Variants in SIL1 observed in about 807,000 individuals in gnomAD.
The protein encoded by SIL1 is SIL1 nucleotide exchange factor.
SIL1 carries 40 observed loss-of-function variants against 49.1 expected under a neutral mutation model. The observed-to-expected ratio is 0.81, with a 90% confidence interval of 0.63 to 1.06. The LOEUF is 1.06. SIL1 is among the 50% of genes least tolerant of loss of function. SIL1 has a pLI of 0.00. For missense variants in SIL1, 500 were observed against 572.6 expected, an observed-to-expected ratio of 0.87 and a Z score of 1.29; for synonymous variants, 253 against 250.8, an observed-to-expected ratio of 1.01 and a Z score of -0.08.
intron 7 of SIL1, among the ~76,000 whole-genome samples, chr5:138,974,685 C>T (rs1026217915): frequency 2.0e-5 from 3 of 152,156 alleles, no homozygotes; most frequent in African/African-American, 7.2e-5. Flanking sequence ...GTTTCCGGGC[C>T]TGGGTTTCCT....
rs548535414 is a variant in SIL1, at chr5:139,026,799, A to G, written c.645+2T>C. ...TGACTTATGGACGAAGAAATACAGT[A>G]CCTGATGGACATAATATTCAAGATC... On this transcript the variant is annotated splice_donor_variant, in intron 6 of 9. Transcript: ENST00000394817. LOFTEE classifies it high-confidence loss of function. 3.2e-5 allele frequency: 51 copies of G among 1,613,898 alleles called. No individual in the cohort carries two copies. The highest frequency in any genetic ancestry group is 4.2e-5 in the Non-Finnish European group (50 of 1,179,924).
rs181288344 is a variant in SIL1, at chr5:139,128,811, C to T, written c.-10-958G>A. On this transcript the variant is annotated intron_variant, in intron 1 of 9. Coordinates refer to ENST00000394817, the MANE Select transcript of SIL1 (RefSeq NM_022464.5). ...AATGGAGAAACTCATCCCTAAAACT[C>T]ATATGACATTTCGGGGGACCCAGAA... Among the ~76,000 whole-genome samples, 4 of 152,296 alleles carry T rather than the reference C, an allele frequency of 2.6e-5. No individual in the cohort carries two copies. In the East Asian group the frequency reaches 7.7e-4, roughly 29 times the overall value.
intron 3 of SIL1, among the ~76,000 whole-genome samples, chr5:139,111,439 A>C (rs1291547586): frequency 6.6e-6 from 1 of 152,084 alleles, no homozygotes; most frequent in Non-Finnish European, 1.5e-5. Context: ...TCTGCCTTCC[A>C]ACATACAGAA....
intron 3 of SIL1, among the ~76,000 whole-genome samples, chr5:139,052,471 G>C (rs557376817): frequency 6.6e-6 from 1 of 152,302 alleles, no homozygotes; most frequent in East Asian, 1.9e-4. Flanking sequence ...GATCACCTGA[G>C]GTCAGGAGTT....
At chr5:139,163,846 C>A (rs917785779) in intron 1 of SIL1, among the ~76,000 whole-genome samples, 1 of 151,988 alleles carries the variant, frequency 6.6e-6, no homozygotes, top group Non-Finnish European at 1.5e-5. Flanking sequence ...ACCTATAATT[C>A]CTATAATTCA....
chr5:139,129,994 A>C (rs145098302), intron 1 of SIL1, among the ~76,000 whole-genome samples: 80 of 152,356 alleles, frequency 5.3e-4, no homozygotes, highest in African/African-American at 1.8e-3. Context: ...TATTGTCCAG[A>C]ATGTGTTGAG....
intron 1 of SIL1, among the ~76,000 whole-genome samples, chr5:139,170,265 T>C (rs368038945): frequency 6.6e-6 from 1 of 152,112 alleles, no homozygotes; most frequent in East Asian, 1.9e-4. Context: ...AGTGCCGAGA[T>C]TGCAGCTTCT....
At chr5:138,987,857 C>CA (rs1429575408) in intron 7 of SIL1, among the ~76,000 whole-genome samples, 1 of 152,082 alleles carries the variant, frequency 6.6e-6, no homozygotes, top group Non-Finnish European at 1.5e-5. Flanking sequence ...TTTTTTGAGA[C>CA]AAGAGTTTTG....
At chr5:139,165,865 G>A (rs781462760) in intron 1 of SIL1, among the ~76,000 whole-genome samples, 10 of 150,498 alleles carry the variant, frequency 6.6e-5, no homozygotes, top group Non-Finnish European at 1.0e-4. Flanking sequence ...GAGTTTCACC[G>A]TGTTAGCCAG....
chr5:139,120,244 T>C (rs1581115205), intron 3 of SIL1, among the ~76,000 whole-genome samples: 1 of 152,052 alleles, frequency 6.6e-6, no homozygotes, highest in East Asian at 1.9e-4. Flanking sequence ...AGTGTCAGAG[T>C]AGTAGGCTCC....
At chr5:139,084,566 T>C (rs1337997885) in intron 3 of SIL1, among the ~76,000 whole-genome samples, 1 of 116,500 alleles carries the variant, frequency 8.6e-6, no homozygotes, top group African/African-American at 3.3e-5. Context: ...TTCTCACTCA[T>C]AGGTGGGAAT....
chr5:139,060,770 T>C (rs544519553), intron 3 of SIL1, among the ~76,000 whole-genome samples: 1 of 152,244 alleles, frequency 6.6e-6, no homozygotes, highest in East Asian at 1.9e-4. Context: ...TGACAGTAAA[T>C]ATTTCTAGGG....
intron 1 of SIL1, among the ~76,000 whole-genome samples, chr5:139,170,909 AG>A (rs1166505684): frequency 5.0e-5 from 7 of 140,118 alleles, no homozygotes; most frequent in South Asian, 2.3e-4. Context: ...GGAAGTGAGG[AG>A]CCCCTCTGCC....
chr5:139,126,376 C>T (rs1410927966), intron 2 of SIL1, among the ~76,000 whole-genome samples: 1 of 152,224 alleles, frequency 6.6e-6, no homozygotes, highest in African/African-American at 2.4e-5. Context: ...GACTTCCTAA[C>T]TCGGTCCTTA....
intron 7 of SIL1, among the ~76,000 whole-genome samples, chr5:138,960,685 G>A (rs138144730): frequency 0.011 from 1,712 of 152,210 alleles, 40 homozygotes; most frequent in African/African-American, 0.039. Context: ...CGAACTCCTG[G>A]CCTCAAGTGA....
chr5:139,172,898 C>G (rs568896152), intron 1 of SIL1, among the ~76,000 whole-genome samples: 1 of 152,092 alleles, frequency 6.6e-6, no homozygotes, highest in East Asian at 1.9e-4. Context: ...TTAGATAATG[C>G]CTCACATCTC....
At position 138,955,525 on chromosome 5, in the gene SIL1, T is replaced by C. The variant is rs112514147; in HGVS notation, c.768-3641A>G. Among the ~76,000 whole-genome samples the C allele has an allele frequency of 4.4e-3, 672 of 152,236 alleles. 1 individual carries two copies. The highest frequency in any genetic ancestry group is 7.1e-3 in the Non-Finnish European group (483 of 68,026). ...GCAATCAGCCAAGAGTCAGAGGTCA[T>C]ATTTTAGCTAACTGAAGCTAAGCAA... On this transcript the variant is annotated intron_variant, in intron 7 of 9. Transcript: ENST00000394817.
intron 3 of SIL1, among the ~76,000 whole-genome samples, chr5:139,105,979 C>T (rs1770701262): frequency 6.6e-6 from 1 of 152,226 alleles, no homozygotes; most frequent in East Asian, 1.9e-4. Flanking sequence ...GCCAAACTGT[C>T]TGTAAAGGAT....
intron 2 of SIL1, among the ~76,000 whole-genome samples, chr5:139,125,084 G>C (rs1473533651): frequency 2.6e-5 from 4 of 152,210 alleles, no homozygotes; most frequent in Non-Finnish European, 5.9e-5. Context: ...CATGGGCCAG[G>C]TAAGAAACCA....
Sources: allele counts gnomAD v4.1 joint callset (sites outside exome capture counted in the v4.1 genomes callset), GRCh38; gene constraint gnomAD v4.1.1; transcripts MANE v1.5; gene names NCBI Gene and HGNC (gene_info 2026-07-23, HGNC 2026-07-21).